Variants in C16orf74 observed in about 807,000 individuals in gnomAD.
C16orf74 encodes the protein calcimembrin, also known as uncharacterized protein C16orf74.
C16orf74 carries 10 observed loss-of-function variants against 6.5 expected under a neutral mutation model. That is an observed-to-expected ratio of 1.54 (90% confidence interval 0.95 to 2.61). C16orf74 has a LOEUF of 2.61. C16orf74 is among the 30% of genes most tolerant of loss of function. The probability of loss-of-function intolerance (pLI) is 0.00; values close to 1 mark genes in which losing one functional copy is unlikely to be tolerated. For missense variants in C16orf74, 141 were observed against 105.9 expected, an observed-to-expected ratio of 1.33 and a Z score of -1.45; for synonymous variants, 60 against 42.5, an observed-to-expected ratio of 1.41 and a Z score of -1.60.
In C16orf74 at chr16:85,707,982, C is replaced by T. The variant is rs1181361080; in HGVS notation, c.*26G>A. The T allele has an allele frequency of 3.9e-5, 60 of 1,549,076 alleles. No homozygotes were observed. The highest frequency in any genetic ancestry group is 5.1e-5 in the Non-Finnish European group (58 of 1,145,272). On this transcript the variant is annotated 3_prime_UTR_variant, in exon 4 of 4. Coordinates refer to ENST00000284245, the MANE Select transcript of C16orf74 (RefSeq NM_206967.3). ...GAAGCCGGGCCGCTGGAGCAGGAGC[C>T]AGCCAGCCAAACCCAGGACACCTCC...
At chr16:85,710,734 T>TC (rs146136438) in intron 2 of C16orf74, 1,833 of 160,252 alleles carry the variant, frequency 0.011, 31 homozygotes, top group African/African-American at 0.042. Context: ...CATATGCTGC[T>TC]CCCCCCGCCT....
intron 2 of C16orf74, among the ~76,000 whole-genome samples, chr16:85,732,318 A>C (rs1280960808): frequency 6.6e-6 from 1 of 152,140 alleles, no homozygotes; most frequent in African/African-American, 2.4e-5. Flanking sequence ...CAGCCCTAGG[A>C]CAGTAAGACC....
chr16:85,743,927 G>A (rs992650345), intron 1 of C16orf74, among the ~76,000 whole-genome samples: 1 of 152,062 alleles, frequency 6.6e-6, no homozygotes, highest in African/African-American at 2.4e-5. Context: ...GGTGTTGGGC[G>A]CCTGTAGTCC....
chr16:85,749,959 C>G (rs1020679341), intron 1 of C16orf74, among the ~76,000 whole-genome samples: 2 of 152,192 alleles, frequency 1.3e-5, no homozygotes, highest in African/African-American at 4.8e-5. Context: ...GGCGCAGAAC[C>G]CAAGGAGGGC....
intron 1 of C16orf74, among the ~76,000 whole-genome samples, chr16:85,746,687 C>A (rs755070248): frequency 2.6e-4 from 40 of 152,178 alleles, no homozygotes; most frequent in Admixed American, 2.6e-4. Context: ...GGTGAGTGGG[C>A]TCCAATCCCA....
At chr16:85,747,492 G>A (rs889862769) in intron 1 of C16orf74, among the ~76,000 whole-genome samples, 1 of 151,912 alleles carries the variant, frequency 6.6e-6, no homozygotes, top group East Asian at 1.9e-4. Context: ...CAGGTTAACG[G>A]CTACCCATAG....
intron 1 of C16orf74, among the ~76,000 whole-genome samples, chr16:85,739,118 T>C (rs1234252516): frequency 6.6e-6 from 1 of 151,844 alleles, no homozygotes; most frequent in Admixed American, 6.6e-5. Flanking sequence ...CTGGCTCTCC[T>C]GCCGCCAGCC....
chr16:85,747,822 T>G (rs954649613), intron 1 of C16orf74, among the ~76,000 whole-genome samples: 26 of 152,094 alleles, frequency 1.7e-4, no homozygotes, highest in African/African-American at 4.8e-5. Flanking sequence ...GCGCAAGGAC[T>G]CATGCCTGTA....
chr16:85,739,577 G>C (rs1293359063), intron 1 of C16orf74, among the ~76,000 whole-genome samples: 1 of 152,198 alleles, frequency 6.6e-6, no homozygotes, highest in Non-Finnish European at 1.5e-5. Context: ...TGACATACTG[G>C]TGTGTTTGTT....
At chr16:85,746,909 C>T (rs1188820955) in intron 1 of C16orf74, among the ~76,000 whole-genome samples, 3 of 152,214 alleles carry the variant, frequency 2.0e-5, no homozygotes, top group Admixed American at 6.5e-5. Flanking sequence ...GGTTGGGAAG[C>T]GATACTGCAA....
At chr16:85,721,229 G>A (rs1390659177) in intron 2 of C16orf74, among the ~76,000 whole-genome samples, 13 of 151,358 alleles carry the variant, frequency 8.6e-5, no homozygotes, top group Admixed American at 8.6e-4. Context: ...AAAAAAAAAA[G>A]CCACGTACTT....
intron 1 of C16orf74, among the ~76,000 whole-genome samples, chr16:85,748,907 G>C (rs1451055756): frequency 6.7e-6 from 1 of 150,258 alleles, no homozygotes; most frequent in Non-Finnish European, 1.5e-5. Flanking sequence ...GGTCCATTCA[G>C]ATGATTGGGA....
chr16:85,723,329 G>A (rs1219730009), intron 2 of C16orf74, among the ~76,000 whole-genome samples: 4 of 150,566 alleles, frequency 2.7e-5, no homozygotes, highest in South Asian at 4.2e-4. Context: ...TTGGGAGGCC[G>A]AGGAAGGAGG....
At chr16:85,735,052 C>A (rs745386483) in intron 2 of C16orf74, 138 bp downstream of exon 2, 72 of 568,854 alleles carry the variant, frequency 1.3e-4, no homozygotes, top group Non-Finnish European at 1.2e-4. Context: ...AGAGCACCTG[C>A]TGTGTACAGG....
chr16:85,735,430 G>A (rs564063071), intron 1 of C16orf74, among the ~76,000 whole-genome samples, 195 bp from the exon 2 acceptor site: 16 of 152,292 alleles, frequency 1.1e-4, no homozygotes, highest in South Asian at 6.2e-4. Context: ...AGTCTGTGAC[G>A]GTGGAAAAAA....
intron 1 of C16orf74, among the ~76,000 whole-genome samples, chr16:85,745,061 A>G (rs366362): frequency 0.4 from 58,853 of 146,876 alleles, 13,516 homozygotes; most frequent in Middle Eastern, 0.6. Context: ...GAATCGCTTG[A>G]ACCTGGGAGC....
chr16:85,742,531 T>A (rs2054320737), intron 1 of C16orf74, among the ~76,000 whole-genome samples: 1 of 152,114 alleles, frequency 6.6e-6, no homozygotes, highest in Non-Finnish European at 1.5e-5. Context: ...CATGCAGAAC[T>A]GTGAGCCAAA....
intron 2 of C16orf74, among the ~76,000 whole-genome samples, chr16:85,711,718 C>A (rs1194567605): frequency 2.0e-5 from 3 of 152,068 alleles, no homozygotes; most frequent in Non-Finnish European, 4.4e-5. Context: ...TGTCCCATCA[C>A]TTTGGTTTTG....
intron 2 of C16orf74, among the ~76,000 whole-genome samples, chr16:85,727,783 CA>C (rs1455859798): frequency 6.6e-6 from 1 of 150,674 alleles, no homozygotes; most frequent in Non-Finnish European, 1.5e-5. Flanking sequence ...CGCTGCACTC[CA>C]GCCTGGGCAA....
Sources: allele counts gnomAD v4.1 joint callset (sites outside exome capture counted in the v4.1 genomes callset), GRCh38; gene constraint gnomAD v4.1.1; transcripts MANE v1.5; gene names NCBI Gene and HGNC (gene_info 2026-07-23, HGNC 2026-07-21).